ASTN2: variants seen among roughly 807,000 people sequenced by gnomAD.
ASTN2 encodes the protein astrotactin 2.
ASTN2 carries 54 observed loss-of-function variants against 139.8 expected under a neutral mutation model. That is an observed-to-expected ratio of 0.39 (90% CI 0.31 to 0.48). The LOEUF (loss-of-function observed/expected upper bound fraction) is 0.48. Among genes scored for constraint, ASTN2 ranks in the 20% least tolerant of loss-of-function variants. ASTN2 has a pLI of 0.95. For synonymous variants in ASTN2, 756 were observed against 719.5 expected, an observed-to-expected ratio of 1.05 and a Z score of -0.81; for missense variants, 1,565 against 1,725.1, an observed-to-expected ratio of 0.91 and a Z score of 1.64.
chr9:116,798,283 A>G (rs1390332881), intron 13 of ASTN2, among the ~76,000 whole-genome samples: 1 of 152,234 alleles, frequency 6.6e-6, no homozygotes, highest in African/African-American at 2.4e-5. Context: ...ACAGACAAAC[A>G]AACAAAAGAG....
chr9:116,919,619 T>A (rs182137216), intron 10 of ASTN2, among the ~76,000 whole-genome samples: 1 of 151,262 alleles, frequency 6.6e-6, no homozygotes, highest in Non-Finnish European at 1.5e-5. Flanking sequence ...CTTGGTTGTG[T>A]CAATTGTTTA....
At chr9:116,906,436 G>A (rs1834162444) in intron 10 of ASTN2, among the ~76,000 whole-genome samples, 1 of 107,460 alleles carries the variant, frequency 9.3e-6, no homozygotes, top group Non-Finnish European at 2.1e-5. Context: ...ATGGGAGTGG[G>A]GAACTGAGAT....
At chr9:117,289,242 C>T (rs369754493) in intron 2 of ASTN2, among the ~76,000 whole-genome samples, 7 of 152,240 alleles carry the variant, frequency 4.6e-5, no homozygotes, top group South Asian at 4.1e-4. Context: ...TTGGACCACA[C>T]GGTGGTAGCC....
intron 10 of ASTN2, among the ~76,000 whole-genome samples, chr9:116,876,034 A>G (rs1833287138): frequency 6.6e-6 from 1 of 152,238 alleles, no homozygotes; most frequent in African/African-American, 2.4e-5. Flanking sequence ...TAGTTTTCAT[A>G]GATAGTGATT....
chr9:116,586,778 C>G (rs919583255), intron 19 of ASTN2, among the ~76,000 whole-genome samples: 1 of 143,066 alleles, frequency 7.0e-6, no homozygotes, highest in Non-Finnish European at 1.5e-5. Context: ...ACATGTACCC[C>G]TTGAATCCAA....
intron 16 of ASTN2, among the ~76,000 whole-genome samples, chr9:116,688,222 A>T (rs369246436): frequency 1.2e-4 from 18 of 152,166 alleles, no homozygotes; most frequent in African/African-American, 3.9e-4. Context: ...GAGGGTTGCA[A>T]TATACAGCCC....
chr9:117,192,426 G>A (rs1831375042), intron 3 of ASTN2, among the ~76,000 whole-genome samples: 1 of 151,204 alleles, frequency 6.6e-6, no homozygotes, highest in African/African-American at 2.4e-5. Context: ...ATACTTTCCA[G>A]GCTGGCTAGT....
intron 13 of ASTN2, among the ~76,000 whole-genome samples, chr9:116,734,223 C>G (rs1828862047): frequency 6.6e-6 from 1 of 152,146 alleles, no homozygotes; most frequent in Admixed American, 6.5e-5. Context: ...GCTCTAACTT[C>G]TTTAGGTGCC....
intron 10 of ASTN2, among the ~76,000 whole-genome samples, chr9:116,877,889 T>G (rs1010708188): frequency 1.3e-5 from 2 of 152,194 alleles, no homozygotes; most frequent in African/African-American, 4.8e-5. Context: ...CATTAAAAAG[T>G]AGGCAAATGA....
chr9:116,477,393 G>T (rs1455648601), intron 20 of ASTN2, among the ~76,000 whole-genome samples: 1 of 151,898 alleles, frequency 6.6e-6, no homozygotes, highest in Admixed American at 6.6e-5. Context: ...TAACCAATTA[G>T]GACTGGACAC....
chr9:116,836,136 C>T (rs145914664), intron 11 of ASTN2, among the ~76,000 whole-genome samples: 2 of 152,216 alleles, frequency 1.3e-5, no homozygotes, highest in East Asian at 1.9e-4. Flanking sequence ...TAGGACTTCA[C>T]GGATCTCTTC....
chr9:116,556,498 A>T (rs1852622401), intron 19 of ASTN2, among the ~76,000 whole-genome samples: 1 of 152,180 alleles, frequency 6.6e-6, no homozygotes. Flanking sequence ...AAGTCCCCAG[A>T]GGCTGTTGAG....
chr9:117,174,672 C>T (rs930366148), intron 3 of ASTN2, among the ~76,000 whole-genome samples: 2 of 151,920 alleles, frequency 1.3e-5, no homozygotes, highest in African/African-American at 4.8e-5. Flanking sequence ...TAATACACTA[C>T]ACAATCAGGT....
chr9:116,953,726 T>C (rs952695808), intron 10 of ASTN2, among the ~76,000 whole-genome samples: 1 of 152,234 alleles, frequency 6.6e-6, no homozygotes, highest in African/African-American at 2.4e-5. Flanking sequence ...GCTCAACACT[T>C]GATCCTTGAT....
chr9:116,449,573 T>C (rs951508557), intron 20 of ASTN2, among the ~76,000 whole-genome samples: 4 of 152,186 alleles, frequency 2.6e-5, no homozygotes, highest in African/African-American at 9.6e-5. Flanking sequence ...TCTTCTATAA[T>C]GGCTTTAAAA....
At chr9:116,657,491 G>A (rs1265873115) in intron 16 of ASTN2, among the ~76,000 whole-genome samples, 5 of 152,118 alleles carry the variant, frequency 3.3e-5, no homozygotes, top group Admixed American at 6.6e-5. Context: ...AGTTACAAAG[G>A]AGAGGAAATC....
chr9:116,700,267 A>T (rs1353811721), intron 16 of ASTN2: 1 of 173,130 alleles, frequency 5.8e-6, no homozygotes, highest in Non-Finnish European at 1.4e-5. Flanking sequence ...ATTTAGTGCT[A>T]CCAAAGGGGA....
At chr9:117,048,564 ATTTG>A (rs1373879778) in intron 5 of ASTN2, among the ~76,000 whole-genome samples, 1 of 152,188 alleles carries the variant, frequency 6.6e-6, no homozygotes, top group Non-Finnish European at 1.5e-5. Flanking sequence ...ACGGCTGGCT[ATTTG>A]AATTTCTCTG....
At chr9:116,573,013 GCACACACACACACACACACACATATATA>G (rs1465452502) in intron 19 of ASTN2, among the ~76,000 whole-genome samples, 2 of 136,890 alleles carry the variant, frequency 1.5e-5, no homozygotes, top group African/African-American at 5.7e-5. Context: ...GTGGGTACAT[GCACACACACACACACACACACATATATA>G]CACACACACA....
Sources: gnomAD v4.1 joint callset for allele counts (sites outside exome capture counted in the v4.1 genomes callset) on GRCh38, gnomAD v4.1.1 for gene constraint, MANE v1.5 for transcripts, NCBI Gene and HGNC (gene_info 2026-07-23, HGNC 2026-07-21) for gene names.